SYNPR: variants seen among roughly 807,000 people sequenced by gnomAD.
SYNPR encodes the protein synaptoporin.
Under a neutral mutation model 32.9 loss-of-function variants are expected in SYNPR, and 23 were observed. The ratio of observed to expected loss-of-function variants is 0.70; its 90% CI spans 0.50 to 0.99. SYNPR has a LOEUF of 0.99. Among genes scored for constraint, SYNPR ranks in the 50% least tolerant of loss-of-function variants. The pLI is 0.00. For missense variants in SYNPR, 318 were observed against 349.3 expected (o/e 0.91, Z 0.71); for synonymous variants, 146 against 135.9 (o/e 1.07, Z -0.52).
chr3:63,276,840 C>G (rs529284348), upstream of SYNPR, among the ~76,000 whole-genome samples: 14 of 152,190 alleles, frequency 9.2e-5, no homozygotes, highest in Non-Finnish European at 1.5e-4. Flanking sequence ...CTGCCTCCCC[C>G]TCCCAGACAG....
chr3:63,257,168 C>A (rs140039854), intron 2 of SYNPR, among the ~76,000 whole-genome samples: 2 of 152,256 alleles, frequency 1.3e-5, no homozygotes, highest in African/African-American at 4.8e-5. Flanking sequence ...AGGAGAACTT[C>A]CCCAGTCTAG....
At chr3:63,488,899 A>T (rs1369095820) in intron 3 of SYNPR, among the ~76,000 whole-genome samples, 1 of 152,170 alleles carries the variant, frequency 6.6e-6, no homozygotes, top group East Asian at 1.9e-4. Context: ...TTAGTGAATG[A>T]CAAATTAGTC....
At chr3:63,482,019 A>G (rs1055511705) in intron 3 of SYNPR, among the ~76,000 whole-genome samples, 2 of 147,802 alleles carry the variant, frequency 1.4e-5, no homozygotes, top group Non-Finnish European at 3.1e-5. Flanking sequence ...TTGAACTACC[A>G]GAGCCCAGGA....
At chr3:63,267,125 G>C (rs796740944) in intron 2 of SYNPR, among the ~76,000 whole-genome samples, 49 of 152,294 alleles carry the variant, frequency 3.2e-4, no homozygotes, top group African/African-American at 1.2e-3. Context: ...AGCTCAATGT[G>C]TGTCCCCAGA....
intron 3 of SYNPR, among the ~76,000 whole-genome samples, chr3:63,497,048 T>C (rs1475482862): frequency 6.6e-6 from 1 of 152,178 alleles, no homozygotes; most frequent in African/African-American, 2.4e-5. Context: ...TCCTCGGTTG[T>C]ACAGGAGTTT....
At chr3:63,371,682 C>T (rs1365537977) in intron 2 of SYNPR, among the ~76,000 whole-genome samples, 1 of 152,208 alleles carries the variant, frequency 6.6e-6, no homozygotes, top group African/African-American at 2.4e-5. Flanking sequence ...AGAGAAGTGG[C>T]CAGACTCTTT....
chr3:63,394,961 T>C (rs1045529850), intron 2 of SYNPR, among the ~76,000 whole-genome samples: 2 of 152,130 alleles, frequency 1.3e-5, no homozygotes, highest in African/African-American at 4.8e-5. Flanking sequence ...GATACATCCA[T>C]CAAAATAGAC....
At chr3:63,541,956 T>G (rs190194391) in intron 3 of SYNPR, among the ~76,000 whole-genome samples, 38 of 152,212 alleles carry the variant, frequency 2.5e-4, no homozygotes, top group African/African-American at 8.4e-4. Flanking sequence ...ATGGATTTTA[T>G]CAAACTTTGA....
intron 2 of SYNPR, among the ~76,000 whole-genome samples, chr3:63,369,340 C>A (rs1433703878): frequency 2.0e-5 from 3 of 152,094 alleles, no homozygotes; most frequent in Non-Finnish European, 4.4e-5. Flanking sequence ...GCCTTGGCAG[C>A]CTGAGCAAAC....
chr3:63,509,060 T>C (rs1437683846), intron 3 of SYNPR, among the ~76,000 whole-genome samples: 3 of 151,758 alleles, frequency 2.0e-5, no homozygotes, highest in Admixed American at 2.0e-4. Context: ...TCCCAGTTCT[T>C]CCAAGATCAG....
At chr3:63,557,716 T>C (rs918981953) in intron 4 of SYNPR, among the ~76,000 whole-genome samples, 1 of 152,212 alleles carries the variant, frequency 6.6e-6, no homozygotes, top group African/African-American at 2.4e-5. Context: ...AAAAAGAAAG[T>C]CATAAATGGT....
chr3:63,614,012 G>A (rs1271649012), intron 5 of SYNPR, among the ~76,000 whole-genome samples: 3 of 148,488 alleles, frequency 2.0e-5, no homozygotes, highest in Admixed American at 6.8e-5. Context: ...CCAGCTTCTT[G>A]ACTACACCAG....
intron 2 of SYNPR, among the ~76,000 whole-genome samples, chr3:63,467,901 A>G (rs904478698): frequency 6.6e-6 from 1 of 152,142 alleles, no homozygotes; most frequent in African/African-American, 2.4e-5. Flanking sequence ...TTTTCAGGTT[A>G]AGAATCAGAA....
intron 3 of SYNPR, among the ~76,000 whole-genome samples, chr3:63,270,412 G>A (rs9813797): frequency 0.29 from 43,394 of 151,940 alleles, 6,592 homozygotes; most frequent in South Asian, 0.47. Context: ...AAAATCATCC[G>A]TAGTAAGATT....
intron 2 of SYNPR, among the ~76,000 whole-genome samples, chr3:63,335,414 T>C (rs1052647899): frequency 1.4e-5 from 2 of 147,076 alleles, no homozygotes; most frequent in Non-Finnish European, 3.0e-5. Context: ...ATAATATAAG[T>C]GTTGGGTTTG....
intron 4 of SYNPR, among the ~76,000 whole-genome samples, chr3:63,599,033 A>G (rs1458962522): frequency 6.6e-6 from 1 of 152,186 alleles, no homozygotes; most frequent in Non-Finnish European, 1.5e-5. Context: ...TGAGAAAGTT[A>G]TCCCATATTC....
chr3:63,247,410 C>T (rs1413989812), intron 1 of SYNPR, among the ~76,000 whole-genome samples: 1 of 151,916 alleles, frequency 6.6e-6, no homozygotes, highest in Non-Finnish European at 1.5e-5. Flanking sequence ...TTTTAAAATC[C>T]CTGGGTGAAA....
chr3:63,239,705 G>A (rs1160025664), intron 1 of SYNPR, among the ~76,000 whole-genome samples: 1 of 151,642 alleles, frequency 6.6e-6, no homozygotes, highest in Non-Finnish European at 1.5e-5. Flanking sequence ...TGTGAAATGT[G>A]TTATGCCCCC....
chr3:63,411,923 A>G (rs77032954), intron 2 of SYNPR, among the ~76,000 whole-genome samples: 5 of 152,256 alleles, frequency 3.3e-5, no homozygotes, highest in Non-Finnish European at 7.4e-5. Flanking sequence ...CATTTTGACC[A>G]TAGTAGGAAC....
Sources: allele counts gnomAD v4.1 joint callset (sites outside exome capture counted in the v4.1 genomes callset), GRCh38; gene constraint gnomAD v4.1.1; transcripts MANE v1.5; gene names NCBI Gene and HGNC (gene_info 2026-07-23, HGNC 2026-07-21).